The following STK31 variants were observed in gnomAD, a reference collection of about 807,000 sequenced individuals.
The protein encoded by STK31 is serine/threonine-protein kinase 31.
A neutral mutation model predicts 129.7 loss-of-function variants in STK31; 89 were observed. That is an observed-to-expected ratio of 0.69 (90% CI 0.58 to 0.82). The LOEUF (loss-of-function observed/expected upper bound fraction) is 0.82. Among genes scored for constraint, STK31 ranks in the 40% least tolerant of loss-of-function variants. The pLI, the probability that STK31 is intolerant of heterozygous loss-of-function variation, is 0.00. For synonymous variants in STK31, 448 were observed against 395.3 expected, an observed-to-expected ratio of 1.13 and a Z score of -1.58; for missense variants, 1,187 against 1,176.4, an observed-to-expected ratio of 1.01 and a Z score of -0.13.
At chr7:23,741,904 T>G (rs182502465) in intron 8 of STK31, among the ~76,000 whole-genome samples, 1 of 152,312 alleles carries the variant, frequency 6.6e-6, no homozygotes, top group East Asian at 1.9e-4. Flanking sequence ...CAGCCTAAAG[T>G]CAGGCCAAAG....
chr7:23,796,807 A>G (rs1584462637), intron 22 of STK31, among the ~76,000 whole-genome samples: 3 of 152,236 alleles, frequency 2.0e-5, no homozygotes, highest in African/African-American at 7.2e-5. Context: ...ATTAAAAGAC[A>G]CAGACTGGCA....
Position 23,717,542 on chromosome 7 carries a change from A to T in STK31, c.212A>T (p.Gln71Leu). ...IGCSLSEVCP[Q>L]ASSVLGNLDP... ...TGCTCACTGTCTGAAGTTTGCCCCC[A>T]GGCCAGTTCAGTTTTGGGGAATCTT... is the stretch of plus-strand genomic sequence containing the variant. Residue 71 changes from glutamine (Q) to leucine (L), a missense_variant, in exon 4 of 24, where the codon CAG becomes CTG. By Grantham distance (113) the Gln-to-Leu change is moderately radical. This residue lies in a region of STK31 where 104 missense variants were observed against 98.3 expected (regional missense o/e 1.06). Transcript: ENST00000355870. 1 of 1,613,222 alleles carries T rather than the reference A, an allele frequency of 6.2e-7. No individual in the cohort carries two copies. The highest frequency in any genetic ancestry group is 8.5e-7 in the Non-Finnish European group (1 of 1,179,490).
intron 23 of STK31, among the ~76,000 whole-genome samples, chr7:23,820,926 C>T (rs994211803): frequency 5.9e-5 from 9 of 152,154 alleles, no homozygotes; most frequent in Admixed American, 2.6e-4. Flanking sequence ...TTGTCTTTTT[C>T]CATTTGTCCA....
chr7:23,816,782 A>C (rs1465678501), intron 23 of STK31, among the ~76,000 whole-genome samples: 1 of 152,222 alleles, frequency 6.6e-6, no homozygotes, highest in Non-Finnish European at 1.5e-5. Context: ...ATAGTTTTTG[A>C]TAGTATTCTC....
intron 22 of STK31, among the ~76,000 whole-genome samples, chr7:23,813,526 C>A (rs1793278502): frequency 6.6e-6 from 1 of 152,126 alleles, no homozygotes; most frequent in Non-Finnish European, 1.5e-5. Flanking sequence ...AGGCAGTCAC[C>A]TTGTTTAGGT....
At chr7:23,710,457 C>G (rs913889162) in intron 1 of STK31, 122 bp downstream of exon 1, 2 of 1,563,074 alleles carry the variant, frequency 1.3e-6, no homozygotes, top group Admixed American at 2.0e-5. Context: ...CTGTCACCTT[C>G]TAGCCGCCCG....
chr7:23,785,017 C>T (rs186475768), intron 17 of STK31, among the ~76,000 whole-genome samples: 5 of 151,984 alleles, frequency 3.3e-5, no homozygotes, highest in Admixed American at 3.3e-4. Flanking sequence ...TTTTGGGGTA[C>T]AGGTGTTTTG....
At chr7:23,801,396 T>C (rs1295464625) in intron 22 of STK31, among the ~76,000 whole-genome samples, 1 of 152,172 alleles carries the variant, frequency 6.6e-6, no homozygotes, top group Non-Finnish European at 1.5e-5. Context: ...GGATTTTTGT[T>C]TTATTGCTGT....
intron 6 of STK31, among the ~76,000 whole-genome samples, chr7:23,729,790 A>G (rs1472937457): frequency 1.3e-5 from 2 of 152,188 alleles, no homozygotes; most frequent in South Asian, 2.1e-4. Flanking sequence ...GATTACAAGC[A>G]TGAGCCACTG....
At chr7:23,824,040 C>T (rs1562635046) in intron 23 of STK31, among the ~76,000 whole-genome samples, 4 of 152,142 alleles carry the variant, frequency 2.6e-5, no homozygotes, top group African/African-American at 2.4e-5. Flanking sequence ...GTGATGCCTC[C>T]AGCTTTGTTC....
At chr7:23,789,385 T>C (rs1485538819) in intron 21 of STK31, among the ~76,000 whole-genome samples, 1 of 152,164 alleles carries the variant, frequency 6.6e-6, no homozygotes, top group African/African-American at 2.4e-5. Context: ...CATTTTATAT[T>C]CTTCCCAGTA....
chr7:23,799,469 A>G (rs1562613540), intron 22 of STK31, among the ~76,000 whole-genome samples: 2 of 152,202 alleles, frequency 1.3e-5, no homozygotes, highest in African/African-American at 4.8e-5. Context: ...ATCTTTGACA[A>G]ACCTGACAGA....
chr7:23,797,914 A>G (rs1396080835), intron 22 of STK31, among the ~76,000 whole-genome samples: 11 of 152,176 alleles, frequency 7.2e-5, no homozygotes, highest in African/African-American at 1.9e-4. Context: ...ATGATAAAGC[A>G]GAAATCACCA....
intron 22 of STK31, among the ~76,000 whole-genome samples, chr7:23,798,731 T>A (rs1278159864): frequency 6.6e-6 from 1 of 152,186 alleles, no homozygotes; most frequent in Non-Finnish European, 1.5e-5. Flanking sequence ...TTTAACATAC[T>A]ATTGCAAGTT....
chr7:23,783,607 A>C lies in STK31; in HGVS notation c.2092A>C (p.Lys698Gln). Residue 698 changes from lysine to glutamine, a missense_variant, in exon 17 of 24, where the codon AAA becomes CAA. This residue lies in a region of STK31 where 975 missense variants were observed against 934.9 expected (regional missense o/e 1.04). Transcript: ENST00000355870. ...GGAGATGCTAACTAGTTTGGCACAG[A>C]AATGGTTCCCTGAGCTGCCTCTGCT... ...EYEMLTSLAQ[K>Q]WFPELPLLHP... 6.2e-7 allele frequency: 1 copy of C among 1,611,728 alleles called. No homozygotes were observed. The highest frequency in any genetic ancestry group is 8.5e-7 in the Non-Finnish European group (1 of 1,179,576).
At chr7:23,765,329 A>T (rs2128100780) in intron 11 of STK31, among the ~76,000 whole-genome samples, 1 of 152,282 alleles carries the variant, frequency 6.6e-6, no homozygotes, top group Admixed American at 6.5e-5. Context: ...CTAGATTTAC[A>T]GGTGTGAGCC....
intron 21 of STK31, among the ~76,000 whole-genome samples, chr7:23,790,141 G>A (rs1166510586): frequency 6.6e-6 from 1 of 152,072 alleles, no homozygotes; most frequent in Non-Finnish European, 1.5e-5. Flanking sequence ...GATCAAAATC[G>A]TAGCTAGAAA....
chr7:23,739,691 T>A (rs915578450), intron 8 of STK31, among the ~76,000 whole-genome samples: 24 of 152,254 alleles, frequency 1.6e-4, no homozygotes. Context: ...TTTCTTCATA[T>A]GGCTAGCCAG....
chr7:23,712,433 G>A, intron 3 of STK31, 147 bp downstream of exon 3: 1 of 787,228 alleles, frequency 1.3e-6, no homozygotes, highest in Non-Finnish European at 2.1e-6. Context: ...GGCATTATTA[G>A]GAGACAAATG....
Sources: gnomAD v4.1 joint callset for allele counts (sites outside exome capture counted in the v4.1 genomes callset) on GRCh38, gnomAD v4.1.1 for gene constraint, gnomAD v4.1.1 regional missense constraint, MANE v1.5 for transcripts, NCBI Gene and HGNC (gene_info 2026-07-23, HGNC 2026-07-21) for gene names.